Variants in TLN2 observed in about 807,000 individuals in gnomAD.
TLN2 encodes the protein talin 2.
Under a neutral mutation model 294.7 loss-of-function variants are expected in TLN2, and 118 were observed. The observed-to-expected ratio is 0.40, with a 90% CI of 0.34 to 0.47. The LOEUF (loss-of-function observed/expected upper bound fraction) is 0.47, where lower values mean the gene tolerates loss of function less well. Among genes scored for constraint, TLN2 ranks in the 20% least tolerant of loss-of-function variants. The pLI, the probability that TLN2 is intolerant of heterozygous loss-of-function variation, is 0.84. For synonymous variants in TLN2, 1,431 were observed against 1,304.5 expected (o/e 1.10, Z -2.09); for missense variants, 3,083 against 3,282.2 (o/e 0.94, Z 1.48).
At position 62,642,285 on chromosome 15, in the gene TLN2, A is replaced by G. The variant is rs147202601; in HGVS notation, c.-36-4990A>G. Among the ~76,000 whole-genome samples, 20 of 152,396 alleles carry G rather than the reference A, an allele frequency of 1.3e-4. 1 individual carries two copies. The highest frequency in any genetic ancestry group is 3.4e-4 in the African/African-American group (14 of 41,604). On this transcript the variant is annotated intron_variant, in intron 3 of 58. Transcript: ENST00000636159. ...TCATTCAAATTCGGGTAAACGAAAA[A>G]TGAACAATAAGATAAAATAGAAAAA...
chr15:62,769,801 G>T (rs1017718227), intron 41 of TLN2, among the ~76,000 whole-genome samples: 1 of 152,118 alleles, frequency 6.6e-6, no homozygotes, highest in Non-Finnish European at 1.5e-5. Flanking sequence ...TTGATCTTAA[G>T]TTCTCTTAAA....
chr15:62,576,660 T>C (rs1367990184), intron 1 of TLN2, among the ~76,000 whole-genome samples: 59 of 105,346 alleles, frequency 5.6e-4, no homozygotes, highest in African/African-American at 1.8e-3. Context: ...ATGGAATGAT[T>C]CCCCCCCCCG....
At chr15:62,582,245 C>CAT (rs1555435562) in intron 1 of TLN2, among the ~76,000 whole-genome samples, 1 of 144,668 alleles carries the variant, frequency 6.9e-6, no homozygotes, top group South Asian at 2.3e-4. Context: ...CACACACACA[C>CAT]ACATTCATGC....
intron 9 of TLN2, among the ~76,000 whole-genome samples, chr15:62,662,365 T>A (rs1229810416): frequency 6.6e-6 from 1 of 152,124 alleles, no homozygotes; most frequent in African/African-American, 2.4e-5. Flanking sequence ...TAGGCCCAGG[T>A]TATTTCAGAA....
At chr15:62,491,566 G>A (rs561608830) in intron 1 of TLN2, among the ~76,000 whole-genome samples, 1 of 152,298 alleles carries the variant, frequency 6.6e-6, no homozygotes, top group South Asian at 2.1e-4. Context: ...TGAGCACAGG[G>A]ATGAGTTTGA....
chr15:62,803,542 T>C (rs779290297), intron 50 of TLN2, among the ~76,000 whole-genome samples: 11 of 152,224 alleles, frequency 7.2e-5, no homozygotes, highest in Non-Finnish European at 1.6e-4. Context: ...TAGCCTGTCT[T>C]CAAGCTTACT....
At chr15:62,610,835 G>A (rs895419891) in intron 2 of TLN2, among the ~76,000 whole-genome samples, 2 of 152,170 alleles carry the variant, frequency 1.3e-5, no homozygotes, top group African/African-American at 4.8e-5. Flanking sequence ...AAATAATGAG[G>A]ATCACCTGTG....
chr15:62,529,692 G>A lies in TLN2; in HGVS notation c.-237-59995G>A, dbSNP rs115776380. 5.9e-3 allele frequency among the ~76,000 whole-genome samples: 895 copies of A among 152,132 alleles called. 10 individuals are homozygous for A. The highest frequency in any genetic ancestry group is 0.021 in the African/African-American group (860 of 41,476). On this transcript the variant is annotated intron_variant, in intron 1 of 58. Transcript: ENST00000636159. Reference sequence around the variant, plus strand: ...GGGAACCTTCCCTCATGGTTTATGTGTGTATTTTTAAGCACAAGTGATAGT... The same window carrying A: ...GGGAACCTTCCCTCATGGTTTATGTATGTATTTTTAAGCACAAGTGATAGT...
chr15:62,451,815 C>G (rs568797603), intron 1 of TLN2, among the ~76,000 whole-genome samples: 7 of 152,200 alleles, frequency 4.6e-5, no homozygotes, highest in Non-Finnish European at 1.0e-4. Context: ...ACTCTGTTTT[C>G]TCTTTTGATG....
chr15:62,549,642 T>C (rs1422256522), intron 1 of TLN2, among the ~76,000 whole-genome samples: 1 of 152,178 alleles, frequency 6.6e-6, no homozygotes, highest in South Asian at 2.1e-4. Flanking sequence ...TCTACAATTT[T>C]GAATTTATGT....
chr15:62,697,601 G>T lies in TLN2; in HGVS notation c.1293-87G>T, dbSNP rs1041693369. 1.6e-5 allele frequency: 23 copies of T among 1,438,818 alleles called. No individual in the cohort carries two copies. In the East Asian group the frequency reaches 5.5e-4, roughly 34 times the overall value. The allele number at this position is 1,438,818 out of a possible 1,614,324, so 89.1% of individuals were successfully genotyped here. ...TAGTTGGCCTTCACAGCATAAAGCA[G>T]GGAACATACGTGACATCTGTGGGGT... is the stretch of plus-strand genomic sequence containing the variant. On this transcript the variant is annotated intron_variant, in intron 14 of 58. Coordinates refer to ENST00000636159, the MANE Select transcript of TLN2 (RefSeq NM_015059.3).
Position 62,797,313 on chromosome 15 carries a change from G to T in TLN2, c.6145G>T (p.Ala2049Ser). 6.2e-7 allele frequency: 1 copy of T among 1,613,756 alleles called. No individual in the cohort carries two copies. Among genetic ancestry groups the T allele is most frequent in the South Asian group, 1.1e-5 (1 of 91,076 alleles). The change falls in exon 48 of 59, where the codon GCC (alanine) becomes TCC (serine). Residue 2049 changes from alanine to serine, a missense_variant. Coordinates refer to ENST00000636159, the MANE Select transcript of TLN2 (RefSeq NM_015059.3). ...CACTCCTGACAAGCTGGCCCAGGCGGCCCAGTCCTCAGCAGCCACCATCAC... is the reference window on the plus strand; with the variant it reads ...CACTCCTGACAAGCTGGCCCAGGCGTCCCAGTCCTCAGCAGCCACCATCAC... ...ASTPDKLAQA[A>S]QSSAATITQL...
chr15:62,427,443 A>C (rs1277772594), intron 1 of TLN2, among the ~76,000 whole-genome samples: 2 of 152,062 alleles, frequency 1.3e-5, no homozygotes, highest in African/African-American at 4.8e-5. Context: ...AGTGACTTGG[A>C]GTGAGCCCCC....
chr15:62,543,049 T>A (rs2041790065), intron 1 of TLN2, among the ~76,000 whole-genome samples: 1 of 152,038 alleles, frequency 6.6e-6, no homozygotes, highest in Non-Finnish European at 1.5e-5. Context: ...AAGGAGAGAT[T>A]GTTTGCTAGG....
At chr15:62,611,934 A>G (rs1209526862) in intron 2 of TLN2, among the ~76,000 whole-genome samples, 1 of 152,244 alleles carries the variant, frequency 6.6e-6, no homozygotes, top group Non-Finnish European at 1.5e-5. Context: ...GTGGCTGTAC[A>G]TAGTGTTAGC....
chr15:62,778,812 G>A (rs1404146458), intron 43 of TLN2, among the ~76,000 whole-genome samples: 1 of 152,164 alleles, frequency 6.6e-6, no homozygotes, highest in Non-Finnish European at 1.5e-5. Flanking sequence ...GTATATAATT[G>A]GGGTTTCAAT....
intron 1 of TLN2, among the ~76,000 whole-genome samples, chr15:62,528,988 CT>C (rs2040886125): frequency 6.6e-6 from 1 of 152,138 alleles, no homozygotes; most frequent in South Asian, 2.1e-4. Context: ...CAACTTTTTA[CT>C]CATAAGTAAT....
At chr15:62,795,240 G>C (rs149184251) in intron 46 of TLN2, among the ~76,000 whole-genome samples, 1 of 152,136 alleles carries the variant, frequency 6.6e-6, no homozygotes, top group East Asian at 1.9e-4. Context: ...GGCAGGAGTC[G>C]TTGCAGGCAG....
chr15:62,486,760 CA>C (rs2038422815), intron 1 of TLN2, among the ~76,000 whole-genome samples: 1 of 150,134 alleles, frequency 6.7e-6, no homozygotes, highest in African/African-American at 2.5e-5. Flanking sequence ...CATTTAAAAT[CA>C]GGAGTTTAAA....
Sources: gnomAD v4.1 joint callset for allele counts (sites outside exome capture counted in the v4.1 genomes callset) on GRCh38, gnomAD v4.1.1 for gene constraint, MANE v1.5 for transcripts, NCBI Gene and HGNC (gene_info 2026-07-23, HGNC 2026-07-21) for gene names.